ADGRL3: variants seen among roughly 807,000 people sequenced by gnomAD.
ADGRL3 encodes adhesion G protein-coupled receptor L3.
In ADGRL3, 62 loss-of-function variants were observed where a neutral mutation model predicts 153.5. The observed-to-expected ratio is 0.40, with a 90% CI of 0.33 to 0.50. The LOEUF is 0.50. Ranked by LOEUF, ADGRL3 falls within the 20% of genes least tolerant of loss-of-function variation. The probability of loss-of-function intolerance (pLI) is 0.47; values close to 1 mark genes in which losing one functional copy is unlikely to be tolerated. For missense variants in ADGRL3, 1,641 were observed against 1,859.4 expected (o/e 0.88, Z 2.16); for synonymous variants, 710 against 672.5 (o/e 1.06, Z -0.86).
intron 1 of ADGRL3, among the ~76,000 whole-genome samples, chr4:61,205,458 T>C (rs894054499): frequency 6.6e-6 from 1 of 152,210 alleles, no homozygotes; most frequent in African/African-American, 2.4e-5. Flanking sequence ...TGCAAATGGC[T>C]ATTTTGCCTT....
At chr4:61,659,974 G>A (rs1044167224) in intron 5 of ADGRL3, among the ~76,000 whole-genome samples, 1 of 151,516 alleles carries the variant, frequency 6.6e-6, no homozygotes, top group Admixed American at 6.6e-5. Flanking sequence ...GCACACATAG[G>A]ATATGGACTG....
chr4:61,705,318 T>A (rs2095838194), intron 6 of ADGRL3, among the ~76,000 whole-genome samples: 1 of 151,884 alleles, frequency 6.6e-6, no homozygotes, highest in Non-Finnish European at 1.5e-5. Context: ...CATTTTCACA[T>A]CAGAGCTTTG....
intron 1 of ADGRL3, among the ~76,000 whole-genome samples, chr4:61,252,997 A>AT (rs1239716556): frequency 6.6e-6 from 1 of 151,982 alleles, no homozygotes; most frequent in Non-Finnish European, 1.5e-5. Context: ...TCATGCATGT[A>AT]TTTTTTTACT....
intron 17 of ADGRL3, among the ~76,000 whole-genome samples, chr4:61,970,942 C>T (rs1012509643): frequency 1.3e-4 from 19 of 151,886 alleles, no homozygotes; most frequent in African/African-American, 2.7e-4. Context: ...GTTCATGCCA[C>T]GTTTATCCGA....
At chr4:61,868,023 AAT>A (rs1270518813) in intron 9 of ADGRL3, among the ~76,000 whole-genome samples, 1 of 152,070 alleles carries the variant, frequency 6.6e-6, no homozygotes, top group Non-Finnish European at 1.5e-5. Flanking sequence ...ATCCTGTTTT[AAT>A]ATTAGTTATA....
chr4:61,528,746 T>C (rs2098593544), intron 4 of ADGRL3, among the ~76,000 whole-genome samples: 2 of 152,174 alleles, frequency 1.3e-5, no homozygotes, highest in South Asian at 4.1e-4. Flanking sequence ...CACACTTCCT[T>C]AATTTTGTTT....
At chr4:61,759,222 G>C (rs140441306) in intron 8 of ADGRL3, among the ~76,000 whole-genome samples, 2 of 152,048 alleles carry the variant, frequency 1.3e-5, no homozygotes, top group Admixed American at 6.6e-5. Context: ...TTGGCCTGCC[G>C]TGCTAGGTTG....
chr4:61,835,675 G>A (rs1462420293), intron 9 of ADGRL3, among the ~76,000 whole-genome samples: 1 of 152,044 alleles, frequency 6.6e-6, no homozygotes, highest in Non-Finnish European at 1.5e-5. Flanking sequence ...CTCCCCATGG[G>A]TAGTTTAGAG....
chr4:61,841,403 G>A (rs965142181), intron 9 of ADGRL3, among the ~76,000 whole-genome samples: 1 of 152,088 alleles, frequency 6.6e-6, no homozygotes, highest in Non-Finnish European at 1.5e-5. Flanking sequence ...CCAAATTACA[G>A]TAGCTTGTAC....
chr4:61,837,095 G>A (rs1003950896), intron 9 of ADGRL3, among the ~76,000 whole-genome samples: 2 of 152,072 alleles, frequency 1.3e-5, no homozygotes, highest in Admixed American at 6.6e-5. Context: ...CAGAGATGAA[G>A]TAGTTCATCC....
At chr4:62,037,956 T>C (rs1343043852) in intron 24 of ADGRL3, 100 bp downstream of exon 24, 5 of 1,333,406 alleles carry the variant, frequency 3.7e-6, no homozygotes, top group Non-Finnish European at 4.2e-6. Flanking sequence ...TAACACATCG[T>C]TTGTTTTTGT....
chr4:61,701,430 A>T (rs1337394053), intron 6 of ADGRL3, among the ~76,000 whole-genome samples: 2 of 105,414 alleles, frequency 1.9e-5, no homozygotes, highest in East Asian at 3.1e-4. Flanking sequence ...TAAAGGTACA[A>T]TTTTTTTTTT....
At chr4:61,306,164 C>T (rs917059774) in intron 1 of ADGRL3, among the ~76,000 whole-genome samples, 1 of 152,010 alleles carries the variant, frequency 6.6e-6, no homozygotes, top group African/African-American at 2.4e-5. Flanking sequence ...GTGGCATGAT[C>T]TTGGCTTACT....
At chr4:61,359,765 G>C (rs949977568) in intron 1 of ADGRL3, among the ~76,000 whole-genome samples, 3 of 152,096 alleles carry the variant, frequency 2.0e-5, no homozygotes, top group Non-Finnish European at 4.4e-5. Flanking sequence ...CAAAGTTAGG[G>C]TTATTTATTT....
intron 15 of ADGRL3, among the ~76,000 whole-genome samples, chr4:61,945,441 C>T (rs2150271049): frequency 1.0e-5 from 1 of 96,926 alleles, no homozygotes; most frequent in African/African-American, 4.1e-5. Context: ...AGGCAGGCCT[C>T]CTTGAGCTGT....
intron 3 of ADGRL3, among the ~76,000 whole-genome samples, chr4:61,505,967 A>C (rs1010517987): frequency 4.6e-5 from 7 of 152,124 alleles, no homozygotes; most frequent in Non-Finnish European, 1.0e-4. Context: ...CATATTTAGG[A>C]AGCATTGCTT....
chr4:61,663,257 G>A (rs937319236), intron 5 of ADGRL3, among the ~76,000 whole-genome samples: 1 of 152,202 alleles, frequency 6.6e-6, no homozygotes, highest in African/African-American at 2.4e-5. Context: ...AGACCTAGGA[G>A]CTCCCTGAGC....
At chr4:61,291,548 A>G (rs925670224) in intron 1 of ADGRL3, among the ~76,000 whole-genome samples, 1 of 86,342 alleles carries the variant, frequency 1.2e-5, no homozygotes, top group Non-Finnish European at 2.7e-5. Flanking sequence ...TTGGATATGA[A>G]GGGAAGACTA....
chr4:61,417,353 G>A (rs1483854162), intron 2 of ADGRL3, among the ~76,000 whole-genome samples: 2 of 152,034 alleles, frequency 1.3e-5, no homozygotes, highest in African/African-American at 4.8e-5. Flanking sequence ...AGTCATGGTG[G>A]TGCGTATCTG....
Sources: gnomAD v4.1 joint callset for allele counts (sites outside exome capture counted in the v4.1 genomes callset) on GRCh38, gnomAD v4.1.1 for gene constraint, MANE v1.5 for transcripts, NCBI Gene and HGNC (gene_info 2026-07-23, HGNC 2026-07-21) for gene names.